Variants in KCNC2 observed in about 807,000 individuals in gnomAD.
KCNC2 encodes the protein potassium voltage-gated channel subfamily C member 2, also known as voltage-gated potassium channel KCNC2.
In KCNC2, 21 loss-of-function variants were observed where a neutral mutation model predicts 44.5. The observed-to-expected ratio is 0.47, with a 90% CI of 0.33 to 0.68. The LOEUF is 0.68. Among genes scored for constraint, KCNC2 ranks in the 30% least tolerant of loss-of-function variants. The pLI is 0.01. For missense variants in KCNC2, 589 were observed against 826.2 expected (o/e 0.71, Z 3.52); for synonymous variants, 391 against 339.1 (o/e 1.15, Z -1.68).
intron 2 of KCNC2, among the ~76,000 whole-genome samples, chr12:75,103,367 C>A (rs1030754597): frequency 2.2e-4 from 33 of 152,132 alleles, no homozygotes; most frequent in African/African-American, 7.0e-4. Context: ...AAAAATCAGC[C>A]ATTCATAATA....
intron 2 of KCNC2, among the ~76,000 whole-genome samples, chr12:75,171,872 G>A (rs1891845690): frequency 6.6e-6 from 1 of 151,682 alleles, no homozygotes; most frequent in South Asian, 2.1e-4. Flanking sequence ...CCCATAAATG[G>A]TCACAGCTGC....
chr12:75,095,333 T>A (rs1020957901), intron 2 of KCNC2, among the ~76,000 whole-genome samples: 2 of 151,806 alleles, frequency 1.3e-5, no homozygotes, highest in South Asian at 4.1e-4. Flanking sequence ...CACAGAATTG[T>A]CCCATATTTG....
intron 1 of KCNC2, among the ~76,000 whole-genome samples, chr12:75,208,214 C>G (rs1014993466): frequency 6.6e-6 from 1 of 152,106 alleles, no homozygotes; most frequent in African/African-American, 2.4e-5. Flanking sequence ...ACAGAGATAG[C>G]AGTCCTAGTC....
At position 75,209,189 on chromosome 12, in the gene KCNC2, G is replaced by C. The variant is rs1565707062; in HGVS notation, c.-20+18C>G. The C allele has an allele frequency of 6.6e-6, 1 of 152,024 alleles. No homozygotes were observed. The highest frequency in any genetic ancestry group is 2.4e-5 in the African/African-American group (1 of 41,280). The allele number at this position is 152,024 out of a possible 1,614,324, so 9.4% of individuals were successfully genotyped here. On this transcript the variant is annotated intron_variant, in intron 1 of 4. Coordinates refer to ENST00000549446, the MANE Select transcript of KCNC2 (RefSeq NM_139137.4). ...GGAAATCGCCCCTTTCACCACCCCC[G>C]CCCCCATTTCCAGATACCTTAACGA...
chr12:75,094,589 C>A (rs1384201811), intron 2 of KCNC2, among the ~76,000 whole-genome samples: 1 of 151,688 alleles, frequency 6.6e-6, no homozygotes, highest in East Asian at 1.9e-4. Flanking sequence ...AGCCCCTCTG[C>A]CACCCAGTGA....
At chr12:75,161,007 G>A (rs1340764493) in intron 2 of KCNC2, among the ~76,000 whole-genome samples, 1 of 151,628 alleles carries the variant, frequency 6.6e-6, no homozygotes, top group African/African-American at 2.4e-5. Flanking sequence ...AACCAGAACA[G>A]AATGTTGTAT....
chr12:75,202,890 A>G (rs926132532), intron 2 of KCNC2, among the ~76,000 whole-genome samples: 1 of 151,294 alleles, frequency 6.6e-6, no homozygotes, highest in Non-Finnish European at 1.5e-5. Context: ...TGCCTTTAGG[A>G]AACGTTTTAT....
chr12:75,142,959 C>T (rs1889761028), intron 2 of KCNC2, among the ~76,000 whole-genome samples: 1 of 152,116 alleles, frequency 6.6e-6, no homozygotes, highest in Non-Finnish European at 1.5e-5. Flanking sequence ...ACTCCTTTTA[C>T]TTTAAAAGTT....
At chr12:75,131,452 TTTG>T (rs1279140446) in intron 2 of KCNC2, among the ~76,000 whole-genome samples, 2 of 152,126 alleles carry the variant, frequency 1.3e-5, no homozygotes, top group African/African-American at 4.8e-5. Context: ...GACTTGTGAA[TTTG>T]TTATGTTACA....
intron 2 of KCNC2, among the ~76,000 whole-genome samples, chr12:75,077,560 C>T (rs1205593237): frequency 6.6e-6 from 1 of 152,032 alleles, no homozygotes; most frequent in Non-Finnish European, 1.5e-5. Context: ...TTATTTGGTC[C>T]AGGATAACTT....
At chr12:75,196,434 C>T (rs1223656912) in intron 2 of KCNC2, among the ~76,000 whole-genome samples, 7 of 152,052 alleles carry the variant, frequency 4.6e-5, no homozygotes, top group African/African-American at 1.7e-4. Context: ...AAACGCCTCA[C>T]CTCCAGAAAT....
chr12:75,061,136 A>T (rs1882277336), intron 2 of KCNC2, among the ~76,000 whole-genome samples: 1 of 152,138 alleles, frequency 6.6e-6, no homozygotes, highest in Non-Finnish European at 1.5e-5. Context: ...TGTTAATGGC[A>T]TTGATTTGGT....
intron 2 of KCNC2, among the ~76,000 whole-genome samples, chr12:75,173,842 G>A (rs1320549758): frequency 6.6e-6 from 1 of 151,814 alleles, no homozygotes; most frequent in Non-Finnish European, 1.5e-5. Context: ...TGGAATTCAA[G>A]TTTGCATAAA....
chr12:75,197,026 G>C (rs2030828065), intron 2 of KCNC2, among the ~76,000 whole-genome samples: 1 of 152,122 alleles, frequency 6.6e-6, no homozygotes, highest in East Asian at 1.9e-4. Flanking sequence ...TGTGCTCAAA[G>C]TGCATTCACC....
intron 3 of KCNC2, 88 bp from the exon 4 acceptor site, chr12:75,048,405 A>G: frequency 9.4e-7 from 1 of 1,064,952 alleles, no homozygotes; most frequent in Middle Eastern, 2.6e-4. Flanking sequence ...CCGGTAGTCC[A>G]GTCACTCGAT....
chr12:75,123,946 T>C (rs1016511651), intron 2 of KCNC2: 6 of 152,198 alleles, frequency 3.9e-5, no homozygotes, highest in African/African-American at 1.4e-4. Context: ...TAAAATCTTA[T>C]ATGTTCCCCA....
At chr12:75,153,391 G>A (rs1000922589) in intron 2 of KCNC2, among the ~76,000 whole-genome samples, 3 of 151,828 alleles carry the variant, frequency 2.0e-5, no homozygotes, top group South Asian at 2.1e-4. Context: ...CTGCATATTC[G>A]GACTTGTAAG....
chr12:75,200,886 G>A (rs1331521711), intron 2 of KCNC2, among the ~76,000 whole-genome samples: 2 of 151,642 alleles, frequency 1.3e-5, no homozygotes, highest in African/African-American at 2.4e-5. Flanking sequence ...AATATGTTAG[G>A]CATAGTGTAA....
chr12:75,089,865 A>G (rs1885326580), intron 2 of KCNC2, among the ~76,000 whole-genome samples: 1 of 151,852 alleles, frequency 6.6e-6, no homozygotes, highest in African/African-American at 2.4e-5. Flanking sequence ...CAACAAACAC[A>G]TATGGATAAT....
Sources: gnomAD v4.1 joint callset for allele counts (sites outside exome capture counted in the v4.1 genomes callset) on GRCh38, gnomAD v4.1.1 for gene constraint, MANE v1.5 for transcripts, NCBI Gene and HGNC (gene_info 2026-07-23, HGNC 2026-07-21) for gene names.